The following PRELID2 variants were observed in gnomAD, a reference collection of about 807,000 sequenced individuals.
PRELID2 encodes PRELI domain containing 2, also known as PRELI domain-containing protein 2.
PRELID2 carries 25 observed loss-of-function variants against 28.4 expected under a neutral mutation model. That is an observed-to-expected ratio of 0.88 (90% confidence interval 0.64 to 1.23). The LOEUF (loss-of-function observed/expected upper bound fraction) is 1.23. Among genes scored for constraint, PRELID2 ranks in the 50% most tolerant of loss-of-function variants. PRELID2 has a pLI of 0.00. For missense variants in PRELID2, 201 were observed against 214.4 expected, an observed-to-expected ratio of 0.94 and a Z score of 0.39; for synonymous variants, 76 against 71.6, an observed-to-expected ratio of 1.06 and a Z score of -0.31.
chr5:145,739,693 T>G (rs1366777307), intron 1 of PRELID2, among the ~76,000 whole-genome samples: 1 of 152,072 alleles, frequency 6.6e-6, no homozygotes. Context: ...TAATTGATTA[T>G]AAACAGGAGA....
intron 1 of PRELID2, among the ~76,000 whole-genome samples, chr5:145,653,515 C>G (rs1754336487): frequency 6.6e-6 from 1 of 152,188 alleles, no homozygotes; most frequent in Non-Finnish European, 1.5e-5. Context: ...CACTCCTCAG[C>G]AAATGTAAAA....
In PRELID2 at chr5:145,644,349, A is replaced by G. The variant is rs142543558; in HGVS notation, n.70+120582T>C. On this transcript the variant is annotated intron_variant and non_coding_transcript_variant, in intron 1 of 2. Transcript: ENST00000510259. ...TGGTAGTTTGCATTTCTGTGGGATCAGTGGTGATACTCCCTTTATCATTTT... is the reference window on the plus strand; with the variant it reads ...TGGTAGTTTGCATTTCTGTGGGATCGGTGGTGATACTCCCTTTATCATTTT... Among the ~76,000 whole-genome samples, 66 of 152,144 alleles carry G rather than the reference A, an allele frequency of 4.3e-4. 1 individual carries two copies. The highest frequency in any genetic ancestry group is 1.5e-3 in the African/African-American group (64 of 41,540).
chr5:145,402,330 T>C, the PRELID2 span, among the ~76,000 whole-genome samples: 1 of 152,188 alleles, frequency 6.6e-6, no homozygotes, highest in Non-Finnish European at 1.5e-5. Flanking sequence ...CAGCACATTT[T>C]ATCTTAAGCA....
intron 1 of PRELID2, among the ~76,000 whole-genome samples, chr5:145,609,317 T>C (rs551281086): frequency 2.3e-4 from 35 of 152,306 alleles, no homozygotes; most frequent in African/African-American, 8.4e-4. Context: ...GTGTGGTTGT[T>C]TGGAGGTAAG....
chr5:145,343,476 A>T, the PRELID2 span, among the ~76,000 whole-genome samples: 1 of 151,750 alleles, frequency 6.6e-6, no homozygotes, highest in Non-Finnish European at 1.5e-5. Context: ...AACAAATGAA[A>T]AAAAAACATA....
At chr5:145,817,210 A>ATATATATATAT (rs1561643788) in intron 4 of PRELID2, among the ~76,000 whole-genome samples, 33 of 67,894 alleles carry the variant, frequency 4.9e-4, no homozygotes, top group Non-Finnish European at 5.3e-4. Flanking sequence ...TAAATAAATA[A>ATATATATATAT]ATAAAAAAAA....
the PRELID2 span, among the ~76,000 whole-genome samples, chr5:145,406,237 C>G: frequency 6.6e-6 from 1 of 152,116 alleles, no homozygotes; most frequent in African/African-American, 2.4e-5. Flanking sequence ...ATAAACTTCT[C>G]ATATTTGTAT....
intron 1 of PRELID2, among the ~76,000 whole-genome samples, chr5:145,527,482 G>A (rs1194746113): frequency 1.3e-5 from 2 of 152,096 alleles, no homozygotes; most frequent in Non-Finnish European, 2.9e-5. Context: ...AAATAAAAAG[G>A]TTTTAAAAAA....
At chr5:145,676,220 C>CAAA (rs34833967) in intron 1 of PRELID2, among the ~76,000 whole-genome samples, 67 of 53,064 alleles carry the variant, frequency 1.3e-3, no homozygotes, top group Non-Finnish European at 2.3e-3. Flanking sequence ...AACTCCATCT[C>CAAA]AAAAAAAAAA....
At chr5:145,394,205 G>A in the PRELID2 span, among the ~76,000 whole-genome samples, 1 of 152,104 alleles carries the variant, frequency 6.6e-6, no homozygotes, top group Non-Finnish European at 1.5e-5. Flanking sequence ...TGATAGACTG[G>A]ATTAAGAAAA....
At chr5:145,634,616 G>C (rs926101327) in intron 1 of PRELID2, among the ~76,000 whole-genome samples, 1 of 152,106 alleles carries the variant, frequency 6.6e-6, no homozygotes. Context: ...CTACCCCAGT[G>C]ATGGGCTAGG....
chr5:145,780,566 T>G (rs1758722190), intron 5 of PRELID2, among the ~76,000 whole-genome samples: 1 of 152,200 alleles, frequency 6.6e-6, no homozygotes, highest in African/African-American at 2.4e-5. Context: ...TTAAAATATT[T>G]ACATGCAGGT....
downstream of PRELID2, among the ~76,000 whole-genome samples, chr5:145,752,212 T>A (rs1757141529): frequency 3.9e-5 from 6 of 152,152 alleles, no homozygotes; most frequent in Admixed American, 3.9e-4. Flanking sequence ...CAAAAAAACA[T>A]TGTTAGCATT....
At chr5:145,817,198 A>AAAAATATATAT (rs1365517052) in intron 4 of PRELID2, among the ~76,000 whole-genome samples, 5 of 70,078 alleles carry the variant, frequency 7.1e-5, no homozygotes, top group Non-Finnish European at 1.3e-4. Flanking sequence ...TTCAAAAAAA[A>AAAAATATATAT]ATAAATAAAT....
intron 1 of PRELID2, among the ~76,000 whole-genome samples, chr5:145,559,618 CCTT>C (rs1289245064): frequency 1.3e-5 from 2 of 152,112 alleles, no homozygotes; most frequent in African/African-American, 2.4e-5. Context: ...GCCCCCTCCT[CCTT>C]ATTTCTAAGA....
At chr5:145,826,112 CTG>C (rs1336259229) in intron 1 of PRELID2, 1 of 985,312 alleles carries the variant, frequency 1.0e-6, no homozygotes, top group Non-Finnish European at 1.2e-6. Flanking sequence ...AAAGACTTAA[CTG>C]AGCAGCTACT....
the PRELID2 span, among the ~76,000 whole-genome samples, chr5:145,236,789 T>G: frequency 6.6e-6 from 1 of 152,136 alleles, no homozygotes; most frequent in African/African-American, 2.4e-5. Context: ...TCTTCCTACA[T>G]GCCTTCCACA....
chr5:145,517,788 A>T (rs1305261579), intron 1 of PRELID2, among the ~76,000 whole-genome samples: 1 of 152,200 alleles, frequency 6.6e-6, no homozygotes, highest in Non-Finnish European at 1.5e-5. Flanking sequence ...TGGCACATAT[A>T]CACCATGGAA....
chr5:145,537,568 AG>A lies in PRELID2; in HGVS notation n.71-64254del, dbSNP rs529472628. Among the ~76,000 whole-genome samples the A allele has an allele frequency of 1.8e-4, 27 of 152,012 alleles. 1 individual carries two copies. In the South Asian group the frequency reaches 5.6e-3, roughly 32 times the overall value. ...TCTGACTTACATTTCCCTGATGATT[AG>A]TGATATTGAGCATCTTTTTCCATAT... On this transcript the variant is annotated intron_variant and non_coding_transcript_variant, in intron 1 of 2. Transcript: ENST00000510259.
Sources: allele counts gnomAD v4.1 joint callset (sites outside exome capture counted in the v4.1 genomes callset), GRCh38; gene constraint gnomAD v4.1.1; transcripts MANE v1.5; gene names NCBI Gene and HGNC (gene_info 2026-07-23, HGNC 2026-07-21).